URM1: variants seen among roughly 807,000 people sequenced by gnomAD.
URM1 encodes ubiquitin-related modifier 1.
URM1 carries 11 observed loss-of-function variants against 17.7 expected under a neutral mutation model. That is an observed-to-expected ratio of 0.62 (90% CI 0.39 to 1.03). URM1 has a LOEUF of 1.03. URM1 is among the 50% of genes least tolerant of loss of function. URM1 has a pLI of 0.00. For synonymous variants in URM1, 48 were observed against 50.6 expected, an observed-to-expected ratio of 0.95 and a Z score of 0.22; for missense variants, 128 against 129.2, an observed-to-expected ratio of 0.99 and a Z score of 0.04.
intron 3 of URM1, 176 bp downstream of exon 3, chr9:128,388,073 G>T: frequency 7.4e-7 from 1 of 1,345,602 alleles, no homozygotes; most frequent in Non-Finnish European, 9.5e-7. Context: ...GAACTCTTGA[G>T]GATTTTTTAA....
At chr9:128,372,609 T>G (rs1301190443) in intron 1 of URM1, among the ~76,000 whole-genome samples, 1 of 152,214 alleles carries the variant, frequency 6.6e-6, no homozygotes, top group African/African-American at 2.4e-5. Flanking sequence ...ATTGATATTG[T>G]CTGGCTGCTT....
In URM1 at chr9:128,387,765, G is replaced by C. The variant is rs780965110; in HGVS notation, c.107-51G>C. 42 of 1,611,770 alleles carry C rather than the reference G, an allele frequency of 2.6e-5. No individual in the cohort carries two copies. In the South Asian group the frequency reaches 4.3e-4, roughly 16 times the overall value. ...GGGCCAGGCAAGGCTCTGGGGGTGG[G>C]CAGGTGCTATTTGGGTTTGACAAGA... On this transcript the variant is annotated intron_variant, in intron 2 of 4. Coordinates refer to ENST00000372853, the MANE Select transcript of URM1 (RefSeq NM_030914.4). This position sits in a 1 kb window ranked among gnomAD's most constrained non-coding sequence, Gnocchi z 4.3.
chr9:128,381,484 G>A (rs150600524), intron 2 of URM1, among the ~76,000 whole-genome samples: 14 of 152,290 alleles, frequency 9.2e-5, no homozygotes, highest in African/African-American at 2.9e-4. Flanking sequence ...ATCACCTGAG[G>A]TCTGGAGTTA....
intron 2 of URM1, among the ~76,000 whole-genome samples, chr9:128,382,960 C>A (rs76358681): frequency 6.6e-6 from 1 of 152,082 alleles, no homozygotes; most frequent in African/African-American, 2.4e-5. Flanking sequence ...TAGACATGGC[C>A]GCCTCACCTT....
chr9:128,376,495 T>TA (rs199669936), intron 1 of URM1, among the ~76,000 whole-genome samples: 12,575 of 148,232 alleles, frequency 0.085, 745 homozygotes, highest in East Asian at 0.19. Context: ...CTGTCTCTAT[T>TA]AAAAAAAAAT....
chr9:128,375,011 C>G (rs1833059324), intron 1 of URM1, among the ~76,000 whole-genome samples: 1 of 152,198 alleles, frequency 6.6e-6, no homozygotes, highest in Non-Finnish European at 1.5e-5. Context: ...TCTGCTGGTG[C>G]TAAGCAGGAA....
chr9:128,373,991 C>G (rs1051630240), intron 1 of URM1, among the ~76,000 whole-genome samples: 3 of 152,172 alleles, frequency 2.0e-5, no homozygotes, highest in African/African-American at 7.2e-5. Flanking sequence ...TTGAGAATAT[C>G]TATACCTGTC....
chr9:128,380,329 G>A (rs543209444), intron 2 of URM1, among the ~76,000 whole-genome samples: 44 of 152,268 alleles, frequency 2.9e-4, no homozygotes, highest in Admixed American at 4.6e-4. Flanking sequence ...GGAGGCTGGG[G>A]GGGGGACACT....
chr9:128,383,886 C>T (rs1833193097), intron 2 of URM1, among the ~76,000 whole-genome samples: 2 of 152,134 alleles, frequency 1.3e-5, no homozygotes, highest in Admixed American at 6.5e-5. Context: ...GAGCTTGCGT[C>T]GGTGCTCTCC....
In URM1 at chr9:128,378,077, G is replaced by C; in HGVS notation, c.77G>C (p.Arg26Pro). Reference protein sequence around the residue: ...ELLFDGIKKHRVTLPGQEEPW... With the variant: ...ELLFDGIKKHPVTLPGQEEPW... Reference sequence around the variant, plus strand: ...CTGTTTGACGGTATTAAGAAACATCGAGTCACTTTGCCTGGACAGGAGGAA... The same window carrying C: ...CTGTTTGACGGTATTAAGAAACATCCAGTCACTTTGCCTGGACAGGAGGAA... Residue 26 changes from arginine to proline, a missense_variant, in exon 2 of 5, where the codon CGA becomes CCA. Transcript: ENST00000372853. The C allele has an allele frequency of 3.1e-6, 5 of 1,610,916 alleles. No individual in the cohort carries two copies. In the East Asian group the frequency reaches 1.1e-4, roughly 36 times the overall value.
Position 128,387,136 on chromosome 9 carries a change from TCA to T in URM1, c.107-679_107-678del, listed in dbSNP as rs1480700614. Among the ~76,000 whole-genome samples the T allele has an allele frequency of 2.2e-4, 34 of 152,140 alleles. 1 individual carries two copies. Among genetic ancestry groups the T allele is most frequent in the Admixed American group, 2.2e-3 (34 of 15,274 alleles). On this transcript the variant is annotated intron_variant, in intron 2 of 4. Coordinates refer to ENST00000372853, the MANE Select transcript of URM1 (RefSeq NM_030914.4). The surrounding 1 kb of genome is among the most constrained non-coding windows in gnomAD (Gnocchi z 4.3). Reference sequence around the variant, plus strand: ...CCCCAGAACCACAAGGAGGCAGATCTCAGTGTTAGCTGAGCTGGAGAGGCCCT... The same window carrying T: ...CCCCAGAACCACAAGGAGGCAGATCTGTGTTAGCTGAGCTGGAGAGGCCCT...
At chr9:128,374,672 C>T (rs566824657) in intron 1 of URM1, among the ~76,000 whole-genome samples, 33 of 152,314 alleles carry the variant, frequency 2.2e-4, no homozygotes, top group Non-Finnish European at 4.6e-4. Flanking sequence ...TGCCTCCCAG[C>T]GGGCTGTCTC....
chr9:128,378,568 A>AC, intron 2 of URM1, among the ~76,000 whole-genome samples: 1 of 149,372 alleles, frequency 6.7e-6, no homozygotes, highest in Non-Finnish European at 1.5e-5. Context: ...AAAAAAAAAA[A>AC]AAAACTTGTT....
At chr9:128,381,592 G>A (rs1833160550) in intron 2 of URM1, among the ~76,000 whole-genome samples, 1 of 152,242 alleles carries the variant, frequency 6.6e-6, no homozygotes, top group Admixed American at 6.5e-5. Flanking sequence ...GGTTGAGGCA[G>A]GAGAATCGCT....
chr9:128,388,445 T>G, intron 3 of URM1: 1 of 986,026 alleles, frequency 1.0e-6, no homozygotes, highest in Non-Finnish European at 1.2e-6. Flanking sequence ...AAGGACCAGG[T>G]TCCAGTTGCC....
chr9:128,388,173 C>T, intron 3 of URM1: 1 of 1,240,210 alleles, frequency 8.1e-7, no homozygotes, highest in Non-Finnish European at 1.0e-6. Context: ...CCTTAGGCGA[C>T]TTACTTCGCT....
At chr9:128,389,512 G>A in intron 4 of URM1, 154 bp from the exon 5 acceptor site, 1 of 1,548,984 alleles carries the variant, frequency 6.5e-7, no homozygotes, top group South Asian at 1.2e-5. Flanking sequence ...CCTCCATCCT[G>A]AAGATTTGCA....
At chr9:128,388,465 C>A in intron 3 of URM1, 6 of 986,142 alleles carry the variant, frequency 6.1e-6, no homozygotes, top group Non-Finnish European at 7.2e-6. Flanking sequence ...CACGAAGTTA[C>A]TTCTAAAACA....
chr9:128,378,222 C>T, intron 2 of URM1, 116 bp downstream of exon 2: 1 of 706,170 alleles, frequency 1.4e-6, no homozygotes, highest in South Asian at 2.0e-5. Context: ...AGCTGCCTCT[C>T]TAGCAGGCAG....
Sources: gnomAD v4.1 joint callset for allele counts (sites outside exome capture counted in the v4.1 genomes callset) on GRCh38, gnomAD v4.1.1 for gene constraint, Gnocchi (gnomAD v3.1) non-coding constraint, MANE v1.5 for transcripts, NCBI Gene and HGNC (gene_info 2026-07-23, HGNC 2026-07-21) for gene names.